Variants in HLCS observed in about 807,000 individuals in gnomAD.
HLCS encodes the protein holocarboxylase synthetase.
In HLCS, 53 loss-of-function variants were observed where a neutral mutation model predicts 75.0. That is an observed-to-expected ratio of 0.71 (90% CI 0.57 to 0.89). HLCS has a LOEUF of 0.89. Among genes scored for constraint, HLCS ranks in the 40% least tolerant of loss-of-function variants. The probability of loss-of-function intolerance (pLI) is 0.00; values close to 1 mark genes in which losing one functional copy is unlikely to be tolerated. For missense variants in HLCS, 966 were observed against 1,074.0 expected, an observed-to-expected ratio of 0.90 and a Z score of 1.41; for synonymous variants, 431 against 428.6, an observed-to-expected ratio of 1.01 and a Z score of -0.07.
At chr21:36,911,617 C>G (rs1653576465) in intron 5 of HLCS, among the ~76,000 whole-genome samples, 1 of 151,688 alleles carries the variant, frequency 6.6e-6, no homozygotes, top group Non-Finnish European at 1.5e-5. Flanking sequence ...GGTGTTGTGG[C>G]AGGTGCCTGT....
chr21:36,769,259 AC>A (rs1231788294), intron 6 of HLCS, among the ~76,000 whole-genome samples: 1 of 152,202 alleles, frequency 6.6e-6, no homozygotes, highest in East Asian at 1.9e-4. Context: ...GAGGGAGACA[AC>A]CGGGGAAGGA....
chr21:36,838,163 C>T (rs922445689), intron 6 of HLCS, among the ~76,000 whole-genome samples: 3 of 152,104 alleles, frequency 2.0e-5, no homozygotes, highest in African/African-American at 4.8e-5. Flanking sequence ...TGGAGCCCAA[C>T]GCTGGGACGC....
At chr21:36,930,483 G>A (rs763014341) in intron 4 of HLCS, 50 bp from the exon 5 acceptor site, 8 of 1,391,332 alleles carry the variant, frequency 5.7e-6, no homozygotes, top group South Asian at 5.0e-5. Flanking sequence ...CACAGGCAAT[G>A]AGAAAAACAG....
chr21:36,901,980 G>A (rs1193758779), intron 5 of HLCS, among the ~76,000 whole-genome samples: 1 of 152,184 alleles, frequency 6.6e-6, no homozygotes, highest in Non-Finnish European at 1.5e-5. Flanking sequence ...CAGCAGTGGG[G>A]GGCGGTGGTT....
chr21:36,989,049 T>A (rs60140733), intron 1 of HLCS, among the ~76,000 whole-genome samples: 1 of 149,912 alleles, frequency 6.7e-6, no homozygotes, highest in Non-Finnish European at 1.5e-5. Flanking sequence ...TTTATTTATT[T>A]TTTTTGAGAC....
intron 6 of HLCS, among the ~76,000 whole-genome samples, chr21:36,801,217 G>A (rs995067195): frequency 1.3e-5 from 2 of 152,126 alleles, no homozygotes; most frequent in African/African-American, 2.4e-5. Context: ...CTTGTCATTC[G>A]TGCCAGCCAA....
rs530371134 is a variant in HLCS, at chr21:36,831,070, TA to T, written c.1893-63786del. ...TCCTTTGATGTTGTAGATGTTTAAC[TA>T]TTAGTTTTGTATAATCTTTTCGGAG... is the stretch of plus-strand genomic sequence containing the variant. On this transcript the variant is annotated intron_variant, in intron 6 of 10. Transcript: ENST00000674895. Among the ~76,000 whole-genome samples, 43 of 152,316 alleles carry T rather than the reference TA, an allele frequency of 2.8e-4. No individual in the cohort carries two copies. The South Asian group carries it at 8.7e-3, about 31-fold the overall frequency.
At chr21:36,769,906 C>T (rs755283503) in intron 6 of HLCS, among the ~76,000 whole-genome samples, 1 of 152,190 alleles carries the variant, frequency 6.6e-6, no homozygotes, top group Non-Finnish European at 1.5e-5. Context: ...CAAGTCCATC[C>T]ACTTCGGGGA....
chr21:36,973,326 G>T (rs972324985), intron 1 of HLCS, among the ~76,000 whole-genome samples: 4 of 134,970 alleles, frequency 3.0e-5, no homozygotes, highest in Admixed American at 2.6e-4. Context: ...AATATACAAA[G>T]AACTCCAAAT....
intron 6 of HLCS, among the ~76,000 whole-genome samples, chr21:36,881,871 G>A (rs575744862): frequency 1.3e-5 from 2 of 152,266 alleles, no homozygotes; most frequent in East Asian, 3.9e-4. Context: ...AGGCATGGTG[G>A]CACGTGCCTT....
At chr21:36,830,830 A>C (rs1318898682) in intron 6 of HLCS, among the ~76,000 whole-genome samples, 4 of 147,656 alleles carry the variant, frequency 2.7e-5, no homozygotes, top group Non-Finnish European at 4.6e-5. Context: ...TCAAAAAAAA[A>C]AAAAAAAAAA....
At chr21:36,956,967 C>T (rs1182075034) in intron 2 of HLCS, among the ~76,000 whole-genome samples, 3 of 149,204 alleles carry the variant, frequency 2.0e-5, no homozygotes, top group South Asian at 2.1e-4. Flanking sequence ...GCAGAAGAAT[C>T]GCTTGAACCC....
In HLCS at chr21:36,870,259, C is replaced by G. The variant is rs142540214; in HGVS notation, c.1892+26601G>C. Among the ~76,000 whole-genome samples, 386 of 152,060 alleles carry G rather than the reference C, an allele frequency of 2.5e-3. 5 individuals carry two copies. Among genetic ancestry groups the G allele is most frequent in the Admixed American group, 9.6e-3 (146 of 15,286 alleles). ...CTGCGTCTGGACCACTGCATCTCCCCGGGAACCTCATTGACACCACAGGCT... is the reference window on the plus strand; with the variant it reads ...CTGCGTCTGGACCACTGCATCTCCCGGGGAACCTCATTGACACCACAGGCT... On this transcript the variant is annotated intron_variant, in intron 6 of 10. Transcript: ENST00000674895.
chr21:36,760,542 G>A (rs1320381839), intron 8 of HLCS, among the ~76,000 whole-genome samples: 8 of 151,846 alleles, frequency 5.3e-5, no homozygotes, highest in Non-Finnish European at 8.8e-5. Flanking sequence ...CCCGGGAGGC[G>A]GAGGTTGCAG....
chr21:36,953,765 T>A (rs1450003913), intron 2 of HLCS, among the ~76,000 whole-genome samples: 2 of 152,076 alleles, frequency 1.3e-5, no homozygotes, highest in Non-Finnish European at 2.9e-5. Flanking sequence ...CTTACTAAAT[T>A]TATATATAAT....
chr21:36,783,803 GCACA>G lies in HLCS; in HGVS notation c.1893-16522_1893-16519del, dbSNP rs201430136. On this transcript the variant is annotated intron_variant, in intron 6 of 10. Coordinates refer to ENST00000674895, the MANE Select transcript of HLCS (RefSeq NM_001352514.2). ...CACACACACAAGCATGTGTGCACAT[GCACA>G]CACACACATGCACATACACACACAC... Among the ~76,000 whole-genome samples, 4 of 149,530 alleles carry G rather than the reference GCACA, an allele frequency of 2.7e-5. No individual in the cohort carries two copies. The East Asian group carries it at 5.9e-4, about 22-fold the overall frequency.
intron 2 of HLCS, among the ~76,000 whole-genome samples, chr21:36,940,735 C>T (rs901356508): frequency 2.0e-5 from 3 of 152,170 alleles, no homozygotes; most frequent in Non-Finnish European, 4.4e-5. Context: ...CAAAAGTCAT[C>T]GTCCAACTGG....
chr21:36,897,948 A>G (rs1169367447), intron 5 of HLCS, among the ~76,000 whole-genome samples: 2 of 152,154 alleles, frequency 1.3e-5, no homozygotes, highest in Non-Finnish European at 2.9e-5. Flanking sequence ...ACTTACTAAG[A>G]TCTCAGTAAA....
At chr21:36,798,414 T>G (rs557717350) in intron 6 of HLCS, among the ~76,000 whole-genome samples, 1 of 152,238 alleles carries the variant, frequency 6.6e-6, no homozygotes, top group Non-Finnish European at 1.5e-5. Context: ...ATGATGACTA[T>G]TTATGTTGTT....
Sources: allele counts gnomAD v4.1 joint callset (sites outside exome capture counted in the v4.1 genomes callset), GRCh38; gene constraint gnomAD v4.1.1; transcripts MANE v1.5; gene names NCBI Gene and HGNC (gene_info 2026-07-23, HGNC 2026-07-21).